MTMR2: variants seen among roughly 807,000 people sequenced by gnomAD.
MTMR2 encodes the protein myotubularin related protein 2, also known as phosphatidylinositol-3,5-bisphosphate 3-phosphatase MTMR2.
In MTMR2, 55 loss-of-function variants were observed where a neutral mutation model predicts 86.9. The observed-to-expected ratio is 0.63, with a 90% confidence interval of 0.51 to 0.79. MTMR2 has a LOEUF of 0.79. Among genes scored for constraint, MTMR2 ranks in the 30% least tolerant of loss-of-function variants. The pLI is 0.00. For synonymous variants in MTMR2, 241 were observed against 266.8 expected (o/e 0.90, Z 0.94); for missense variants, 659 against 772.3 (o/e 0.85, Z 1.74).
intron 7 of MTMR2, among the ~76,000 whole-genome samples, chr11:95,853,046 T>TA (rs1227912376): frequency 7.2e-5 from 9 of 124,196 alleles, no homozygotes; most frequent in Admixed American, 1.6e-4. Context: ...TTATATATAA[T>TA]ATATATATAT....
intron 1 of MTMR2, among the ~76,000 whole-genome samples, chr11:95,889,084 A>T (rs1008538037): frequency 6.6e-6 from 1 of 152,010 alleles, no homozygotes; most frequent in Non-Finnish European, 1.5e-5. Context: ...TTCTTCCATT[A>T]TAAGTAATCA....
chr11:95,887,469 A>G (rs1865554620), intron 2 of MTMR2: 1 of 152,304 alleles, frequency 6.6e-6, no homozygotes, highest in South Asian at 2.1e-4. Flanking sequence ...AGCACTACAC[A>G]TATAATTCAT....
chr11:95,880,006 CTAGA>C (rs1479351248), intron 2 of MTMR2, among the ~76,000 whole-genome samples: 1 of 151,674 alleles, frequency 6.6e-6, no homozygotes, highest in South Asian at 2.1e-4. Flanking sequence ...AAGTTTATTC[CTAGA>C]TATTTTACAT....
chr11:95,844,988 T>C lies in MTMR2; in HGVS notation c.1351A>G (p.Lys451Glu), dbSNP rs1417691745. The C allele has an allele frequency of 2.5e-6, 4 of 1,613,858 alleles. No individual in the cohort carries two copies. The highest frequency in any genetic ancestry group is 3.4e-6 in the Non-Finnish European group (4 of 1,179,816). ...TIRGFEVLVE[K>E]EWLSFGHRFQ... Reference sequence around the variant, plus strand: ...CGATGTCCAAAACTTAGCCATTCTTTCTCCACAAGGACTTCAAATCCTCGG... The same window carrying C: ...CGATGTCCAAAACTTAGCCATTCTTCCTCCACAAGGACTTCAAATCCTCGG... Residue 451 changes from lysine (K) to glutamate (E), a missense_variant, in exon 11 of 15, where the codon AAA (lysine) becomes GAA (glutamate). By Grantham distance (56) the Lys-to-Glu change is moderately conservative (BLOSUM62 1). Transcript: ENST00000346299.
rs1863704996 is a variant in MTMR2, at chr11:95,844,865, T to G, written c.1386+88A>C. The G allele has an allele frequency of 6.7e-6, 8 of 1,193,454 alleles. No individual in the cohort carries two copies. The East Asian group carries it at 1.9e-4, about 29-fold the overall frequency. 73.9% of individuals were successfully genotyped at this position (1,193,454 alleles called of 1,614,324 possible). A position where few individuals can be genotyped will look rare whatever the true frequency, so the allele number is the denominator to read the frequency against. On this transcript the variant is annotated intron_variant, in intron 11 of 14. Coordinates refer to ENST00000346299, the MANE Select transcript of MTMR2 (RefSeq NM_016156.6). ...CACTAGATAAATGATCAATTTCAGA[T>G]GAATATCTTATTTTAAAAAACACAT...
chr11:95,848,130 T>C lies in MTMR2; in HGVS notation c.994-231A>G, dbSNP rs988781171. Among the ~76,000 whole-genome samples, 6 of 152,168 alleles carry C rather than the reference T, an allele frequency of 3.9e-5. 1 individual carries two copies. Among genetic ancestry groups the C allele is most frequent in the Non-Finnish European group, 7.4e-5 (5 of 68,018 alleles). On this transcript the variant is annotated intron_variant, in intron 9 of 14. Coordinates refer to ENST00000346299, the MANE Select transcript of MTMR2 (RefSeq NM_016156.6). ...GTCTGACTTGCCCATATGGCCATTA[T>C]TAAAATTAAATATGAAACACATAGG...
chr11:95,919,242 A>G (rs58314591), intron 1 of MTMR2, among the ~76,000 whole-genome samples: 2,119 of 152,322 alleles, frequency 0.014, 67 homozygotes, highest in African/African-American at 0.048. Context: ...TCTTCAGGCT[A>G]TAAGTATAAT....
In MTMR2 at chr11:95,888,238, T is replaced by C. The variant is rs1865583110; in HGVS notation, c.104A>G (p.Asn35Ser). The C allele has an allele frequency of 1.2e-6, 2 of 1,613,464 alleles. No individual in the cohort carries two copies. Among genetic ancestry groups the C allele is most frequent in the Non-Finnish European group, 1.7e-6 (2 of 1,179,602 alleles). Residue 35 changes from asparagine to serine, a missense_variant, in exon 2 of 15, where the codon AAT (asparagine) becomes AGT (serine). Transcript: ENST00000346299. The part of the protein sequence containing the change: ...LSSASTSHSE[N>S]SVHTKSASVV... ...AGAAGCTGATTTTGTATGCACTGAA[T>C]TCTCTGAATGAGAAGTGGAGGCACT...
intron 2 of MTMR2, among the ~76,000 whole-genome samples, chr11:95,871,154 G>T (rs1864865953): frequency 6.6e-6 from 1 of 152,132 alleles, no homozygotes; most frequent in African/African-American, 2.4e-5. Context: ...CATTTGGGTT[G>T]GTTCCAAGTC....
intron 10 of MTMR2, among the ~76,000 whole-genome samples, chr11:95,847,333 A>T (rs188249116): frequency 2.0e-3 from 301 of 152,310 alleles, no homozygotes; most frequent in African/African-American, 6.7e-3. Flanking sequence ...ACGTTGGTTG[A>T]CACACAAAAG....
At chr11:95,921,989 A>T (rs951680023) in intron 1 of MTMR2, among the ~76,000 whole-genome samples, 11 of 152,200 alleles carry the variant, frequency 7.2e-5, no homozygotes, top group African/African-American at 2.7e-4. Context: ...AATAAAGGAC[A>T]CTTATTTCGT....
At chr11:95,881,860 A>C (rs1400381212) in intron 2 of MTMR2, among the ~76,000 whole-genome samples, 2 of 152,112 alleles carry the variant, frequency 1.3e-5, no homozygotes, top group Non-Finnish European at 2.9e-5. Context: ...ATGCTGAATA[A>C]AAGTAGCGAT....
chr11:95,836,029 T>TATCA, intron 14 of MTMR2, 119 bp downstream of exon 14: 1 of 1,003,150 alleles, frequency 1.0e-6, no homozygotes, highest in Non-Finnish European at 1.6e-6. Flanking sequence ...GATTGTTAAC[T>TATCA]ATCAATGGGT....
At chr11:95,918,393 T>A (rs1412509389) in intron 1 of MTMR2, among the ~76,000 whole-genome samples, 2 of 152,192 alleles carry the variant, frequency 1.3e-5, no homozygotes, top group Admixed American at 1.3e-4. Context: ...GAACTACTGG[T>A]CTACACTAAT....
At chr11:95,903,152 T>C (rs1342606798) in intron 1 of MTMR2, among the ~76,000 whole-genome samples, 3 of 152,196 alleles carry the variant, frequency 2.0e-5, no homozygotes, top group African/African-American at 7.2e-5. Flanking sequence ...TCCTCCGGAC[T>C]GGCATTACCA....
At chr11:95,885,093 A>T (rs1248566365) in intron 2 of MTMR2, among the ~76,000 whole-genome samples, 1 of 152,106 alleles carries the variant, frequency 6.6e-6, no homozygotes, top group Non-Finnish European at 1.5e-5. Context: ...CAATTCCTGC[A>T]AACAGAGCTG....
intron 1 of MTMR2, among the ~76,000 whole-genome samples, chr11:95,890,835 T>C (rs565972293): frequency 6.6e-6 from 1 of 152,300 alleles, no homozygotes; most frequent in East Asian, 1.9e-4. Flanking sequence ...GCCCAGGAGT[T>C]TGAGACCAGC....
intron 12 of MTMR2, among the ~76,000 whole-genome samples, chr11:95,839,598 T>G (rs1863450160): frequency 6.6e-6 from 1 of 152,130 alleles, no homozygotes; most frequent in African/African-American, 2.4e-5. Context: ...TTTTGTTTTC[T>G]TTACATGTTT....
intron 1 of MTMR2, chr11:95,908,032 C>A: frequency 9.6e-6 from 2 of 207,508 alleles, no homozygotes; most frequent in Non-Finnish European, 2.0e-5. Flanking sequence ...TAAAAGCATC[C>A]AAATAAAAAA....
Sources: allele counts gnomAD v4.1 joint callset (sites outside exome capture counted in the v4.1 genomes callset), GRCh38; gene constraint gnomAD v4.1.1; transcripts MANE v1.5; gene names NCBI Gene and HGNC (gene_info 2026-07-23, HGNC 2026-07-21).